The following PRDM1 variants were observed in gnomAD, a reference collection of about 807,000 sequenced individuals.
The protein encoded by PRDM1 is PR/SET domain 1.
A neutral mutation model predicts 62.8 loss-of-function variants in PRDM1; 13 were observed. That is an observed-to-expected ratio of 0.21 (90% CI 0.13 to 0.33). The LOEUF (loss-of-function observed/expected upper bound fraction) is 0.33, where lower values mean the gene tolerates loss of function less well. PRDM1 is among the 10% of genes least tolerant of loss of function. The pLI, the probability that PRDM1 is intolerant of heterozygous loss-of-function variation, is 1.00. For missense variants in PRDM1, 895 were observed against 1,058.8 expected (o/e 0.85, Z 2.15); for synonymous variants, 396 against 417.6 (o/e 0.95, Z 0.63).
At chr6:105,996,765 T>A (rs144060575) in intron 1 of PRDM1, among the ~76,000 whole-genome samples, 1 of 152,282 alleles carries the variant, frequency 6.6e-6, no homozygotes, top group East Asian at 1.9e-4. Flanking sequence ...GGATTCTATA[T>A]CTATTTGAGG....
rs1185534775 is a variant in PRDM1 at position 106,099,601 on chromosome 6, T to C, written c.664+49T>C. 1.9e-6 allele frequency: 3 copies of C among 1,601,734 alleles called. No homozygotes were observed. The African/African-American group carries it at 4.0e-5, about 21-fold the overall frequency. ...AATAAAAAATGCCAGTAATGTCGGT[T>C]CTGCCCCTTTGAACTAATAACATGT... On this transcript the variant is annotated intron_variant, in intron 4 of 6. Transcript: ENST00000369096.
intron 1 of PRDM1, among the ~76,000 whole-genome samples, chr6:106,015,709 G>A (rs1562145049): frequency 6.6e-6 from 1 of 151,968 alleles, no homozygotes; most frequent in Non-Finnish European, 1.5e-5. Context: ...ATCCAAAAAT[G>A]TAAAACAAAC....
rs2114662902 is a variant in PRDM1, at chr6:106,107,065, C to T, written c.2057C>T (p.Pro686Leu). The change falls in exon 7 of 7, where the codon CCC becomes CTC. Residue 686 changes from proline to leucine, a missense_variant. Physicochemically the swap from Pro to Leu is moderately conservative, Grantham distance 98. Coordinates refer to ENST00000369096, the MANE Select transcript of PRDM1 (RefSeq NM_001198.4). Reference protein sequence around the residue: ...LHKRLHTRERPHKCSQCHKNY... With the variant: ...LHKRLHTRERLHKCSQCHKNY... ...AAGCGTCTGCACACCCGGGAGCGGC[C>T]CCACAAGTGCTCCCAGTGCCACAAG... The T allele has an allele frequency of 6.2e-7, 1 of 1,614,210 alleles. No individual in the cohort carries two copies. Among genetic ancestry groups the T allele is most frequent in the Non-Finnish European group, 8.5e-7 (1 of 1,180,034 alleles).
chr6:106,023,869 C>T (rs765268738), intron 1 of PRDM1, among the ~76,000 whole-genome samples: 24 of 152,242 alleles, frequency 1.6e-4, no homozygotes, highest in South Asian at 8.3e-4. Flanking sequence ...TGGCCTAGCA[C>T]GGTGGCTCAT....
At position 106,088,279 on chromosome 6, in the gene PRDM1, A is replaced by G. The variant is rs533805891; in HGVS notation, c.121A>G (p.Met41Val). 1 of 1,614,048 alleles carries G rather than the reference A, an allele frequency of 6.2e-7. No individual in the cohort carries two copies. Among genetic ancestry groups the G allele is most frequent in the Admixed American group, 1.7e-5 (1 of 59,998 alleles). ...GACCAAGGGGACCATGAAAATGGAC[A>G]TGGAGGATGCGGATATGACTCTGTG... ...EGTKGTMKMDMEDADMTLWTE... is the reference protein window; with the variant it reads ...EGTKGTMKMDVEDADMTLWTE... The change falls in exon 2 of 7, where the codon ATG (methionine) becomes GTG (valine). Residue 41 changes from methionine (M) to valine (V), a missense_variant. This residue lies in a region of PRDM1 where 213 missense variants were observed against 283.9 expected (regional missense o/e 0.75). Coordinates refer to ENST00000369096, the MANE Select transcript of PRDM1 (RefSeq NM_001198.4).
chr6:106,003,025 T>C (rs1772445242), intron 1 of PRDM1, among the ~76,000 whole-genome samples: 1 of 148,406 alleles, frequency 6.7e-6, no homozygotes, highest in Non-Finnish European at 1.5e-5. Context: ...TTCTTTTTTG[T>C]AAGTTGATTT....
At chr6:106,076,864 T>C (rs1002534127) in intron 1 of PRDM1, among the ~76,000 whole-genome samples, 8 of 152,186 alleles carry the variant, frequency 5.3e-5, no homozygotes, top group African/African-American at 1.9e-4. Flanking sequence ...GTGGAGTGGC[T>C]TTCCGTGAAA....
chr6:106,021,881 A>G (rs1772700871), intron 1 of PRDM1, among the ~76,000 whole-genome samples: 1 of 152,174 alleles, frequency 6.6e-6, no homozygotes, highest in Admixed American at 6.5e-5. Flanking sequence ...CGGCCTCCCA[A>G]AGTGCTGGGA....
rs1582481722 is a variant in PRDM1 at position 106,106,824 on chromosome 6, C to T, written c.1903-87C>T. On this transcript the variant is annotated intron_variant, in intron 6 of 6. Coordinates refer to ENST00000369096, the MANE Select transcript of PRDM1 (RefSeq NM_001198.4). This position sits in a 1 kb window ranked among gnomAD's most constrained non-coding sequence, Gnocchi z 4.4. Reference sequence around the variant, plus strand: ...ACCTCCTAGGTTGCTGGGCGTTGGCCGGTAAGCCTGCCCCTCCCGTTGGCA... The same window carrying T: ...ACCTCCTAGGTTGCTGGGCGTTGGCTGGTAAGCCTGCCCCTCCCGTTGGCA... 7.8e-6 allele frequency: 11 copies of T among 1,413,016 alleles called. No homozygotes were observed. Among genetic ancestry groups the T allele is most frequent in the East Asian group, 2.3e-5 (1 of 43,628 alleles). 87.5% of individuals were successfully genotyped at this position (1,413,016 alleles called of 1,614,324 possible).
chr6:106,043,595 A>G (rs1278959152), upstream of PRDM1, among the ~76,000 whole-genome samples: 1 of 152,084 alleles, frequency 6.6e-6, no homozygotes, highest in Non-Finnish European at 1.5e-5. Flanking sequence ...GTGCAATGGC[A>G]CGATCTTGGC....
At chr6:106,090,376 T>C (rs1443746865) in intron 2 of PRDM1, among the ~76,000 whole-genome samples, 1 of 152,244 alleles carries the variant, frequency 6.6e-6, no homozygotes. Flanking sequence ...TCTCTTATCC[T>C]ATTTCCCTAT....
chr6:106,072,193 A>C (rs879267070), intron 1 of PRDM1: 3 of 152,236 alleles, frequency 2.0e-5, no homozygotes, highest in Non-Finnish European at 4.4e-5. Flanking sequence ...GATGTCCTTC[A>C]TACTTCTTAG....
At position 106,095,655 on chromosome 6, in the gene PRDM1, C is replaced by T. The variant is rs1366440931; in HGVS notation, c.332C>T (p.Thr111Ile). 6.2e-7 allele frequency: 1 copy of T among 1,612,920 alleles called. No homozygotes were observed. The highest frequency in any genetic ancestry group is 1.1e-5 in the South Asian group (1 of 91,022). ...AGTAAAGAATACATACCAAAGGGCA[C>T]ACGTTTTGGACCCCTAATAGGTGAA... ...VMSKEYIPKG[T>I]RFGPLIGEIY... is the part of the protein sequence containing the mutation. The change falls in exon 3 of 7, where the codon ACA becomes ATA. Residue 111 changes from threonine to isoleucine, a missense_variant. Thr to Ile is a moderately conservative substitution (Grantham distance 89). Transcript: ENST00000369096.
intron 2 of PRDM1, 70 bp from the exon 3 acceptor site, chr6:106,095,541 AATTT>A: frequency 6.5e-7 from 1 of 1,541,736 alleles, no homozygotes; most frequent in Non-Finnish European, 8.9e-7. Context: ...TTGACAGTCC[AATTT>A]ATTTAATTGA....
intron 1 of PRDM1, among the ~76,000 whole-genome samples, chr6:106,030,992 CTCTCT>C (rs1340635355): frequency 3.7e-5 from 3 of 82,058 alleles, no homozygotes; most frequent in Admixed American, 3.0e-4. Context: ...CATTTGTATT[CTCTCT>C]TTTTTTTTTT....
At chr6:106,013,574 C>A (rs2114552463) in intron 1 of PRDM1, among the ~76,000 whole-genome samples, 1 of 152,280 alleles carries the variant, frequency 6.6e-6, no homozygotes, top group East Asian at 1.9e-4. Flanking sequence ...GTAATCCACC[C>A]ACCTTGGCCT....
At chr6:106,003,863 C>T (rs111505904) in intron 1 of PRDM1, among the ~76,000 whole-genome samples, 39 of 152,094 alleles carry the variant, frequency 2.6e-4, no homozygotes, top group Non-Finnish European at 4.4e-4. Context: ...GCTTTGTGTG[C>T]CTGTATTCCA....
intron 3 of PRDM1, chr6:106,098,976 A>G: frequency 6.4e-7 from 1 of 1,563,382 alleles, no homozygotes; most frequent in Non-Finnish European, 8.7e-7. Flanking sequence ...CTGCAGTAGC[A>G]AAAGTAGTAC....
At position 106,107,470 on chromosome 6, in the gene PRDM1, A is replaced by C; in HGVS notation, c.2462A>C (p.Glu821Ala). The C allele has an allele frequency of 6.2e-7, 1 of 1,602,388 alleles. No homozygotes were observed. Among genetic ancestry groups the C allele is most frequent in the Non-Finnish European group, 8.5e-7 (1 of 1,174,500 alleles). Residue 821 changes from glutamate (E) to alanine (A), a missense_variant, in exon 7 of 7, where the codon GAA (glutamate) becomes GCA (alanine). Glu to Ala is a moderately radical substitution (Grantham distance 107). Around this residue, in one of 4 missense-constraint regions of PRDM1, gnomAD observed 164 missense variants for 179.9 expected, o/e 0.91. Coordinates refer to ENST00000369096, the MANE Select transcript of PRDM1 (RefSeq NM_001198.4). Reference protein sequence around the residue: ...VPVKVKQETVEPMDP With the variant: ...VPVKVKQETVAPMDP ...GTAAAGGTCAAACAAGAAACAGTTG[A>C]ACCAATGGATCCTTAAGATTTTCAG...
Sources: allele counts gnomAD v4.1 joint callset (sites outside exome capture counted in the v4.1 genomes callset), GRCh38; gene constraint gnomAD v4.1.1; regional missense constraint gnomAD v4.1.1; non-coding constraint Gnocchi (gnomAD v3.1); transcripts MANE v1.5; gene names NCBI Gene and HGNC (gene_info 2026-07-23, HGNC 2026-07-21).